The following DGLUCY variants were observed in gnomAD, a reference collection of about 807,000 sequenced individuals.
DGLUCY encodes D-glutamate cyclase, mitochondrial.
A neutral mutation model predicts 58.5 loss-of-function variants in DGLUCY; 58 were observed. The ratio of observed to expected loss-of-function variants is 0.99; its 90% CI spans 0.80 to 1.23. The LOEUF (loss-of-function observed/expected upper bound fraction) is 1.23, where lower values mean the gene tolerates loss of function less well. DGLUCY is among the 50% of genes most tolerant of loss of function. The probability of loss-of-function intolerance (pLI) is 0.00; values close to 1 mark genes in which losing one functional copy is unlikely to be tolerated. For missense variants in DGLUCY, 779 were observed against 784.7 expected (o/e 0.99, Z 0.09); for synonymous variants, 325 against 314.1 (o/e 1.03, Z -0.37).
At chr14:91,220,018 C>A (rs1222620019) in intron 13 of DGLUCY, among the ~76,000 whole-genome samples, 1 of 152,238 alleles carries the variant, frequency 6.6e-6, no homozygotes, top group Non-Finnish European at 1.5e-5. Context: ...CAGCAGCCAG[C>A]CAGGCCGGCT....
At chr14:91,205,967 G>A (rs1012062088) in intron 12 of DGLUCY, among the ~76,000 whole-genome samples, 1 of 149,162 alleles carries the variant, frequency 6.7e-6, no homozygotes, top group Non-Finnish European at 1.5e-5. Context: ...AGCCTCCCGA[G>A]TAGCTGGGAT....
At position 91,196,360 on chromosome 14, in the gene DGLUCY, G is replaced by T; in HGVS notation, c.1196-15G>T. Reference sequence around the variant, plus strand: ...ACTAGAGCTGATGTGTGCCCTGCTTGCCTTTATTTTCAAGGTGTTCTGAAG... The same window carrying T: ...ACTAGAGCTGATGTGTGCCCTGCTTTCCTTTATTTTCAAGGTGTTCTGAAG... On this transcript the variant is annotated splice_polypyrimidine_tract_variant and intron_variant, in intron 9 of 13. Coordinates refer to ENST00000256324, the MANE Select transcript of DGLUCY (RefSeq NM_001102368.3). The T allele has an allele frequency of 6.2e-7, 1 of 1,611,464 alleles. No homozygotes were observed. The highest frequency in any genetic ancestry group is 8.5e-7 in the Non-Finnish European group (1 of 1,177,734).
chr14:91,068,087 A>ACACACACG, intron 1 of DGLUCY, among the ~76,000 whole-genome samples: 1 of 138,154 alleles, frequency 7.2e-6, no homozygotes, highest in Middle Eastern at 3.7e-3. Flanking sequence ...ACGCACACAC[A>ACACACACG]CACACACACA....
intron 4 of DGLUCY, among the ~76,000 whole-genome samples, chr14:91,168,812 C>T (rs1450539190): frequency 6.6e-6 from 1 of 152,164 alleles, no homozygotes; most frequent in Non-Finnish European, 1.5e-5. Flanking sequence ...ATGGGATGGG[C>T]GCGGTGGCTC....
chr14:91,151,308 C>T (rs1277509710), intron 1 of DGLUCY, among the ~76,000 whole-genome samples: 7 of 151,316 alleles, frequency 4.6e-5, no homozygotes, highest in South Asian at 2.1e-4. Context: ...GGCGTGATCT[C>T]GGCTCACTGC....
At chr14:91,103,811 AAC>A (rs72140720), upstream of DGLUCY, among the ~76,000 whole-genome samples, 20,345 of 151,282 alleles carry the variant, frequency 0.13, 1,455 homozygotes, top group African/African-American at 0.16. Flanking sequence ...ACATATATGA[AAC>A]ACACACACAC....
intron 1 of DGLUCY, among the ~76,000 whole-genome samples, chr14:91,101,084 A>AG (rs1245262295): frequency 2.0e-5 from 3 of 152,092 alleles, no homozygotes; most frequent in Non-Finnish European, 2.9e-5. Context: ...AAAAAAAAAA[A>AG]TTATTTTATT....
At chr14:91,106,973 A>G (rs967386988), upstream of DGLUCY, among the ~76,000 whole-genome samples, 1 of 152,170 alleles carries the variant, frequency 6.6e-6, no homozygotes. Context: ...TTAAACAGTT[A>G]CAGTTTGCAA....
intron 1 of DGLUCY, among the ~76,000 whole-genome samples, chr14:91,143,724 A>C (rs999756916): frequency 2.0e-5 from 3 of 152,180 alleles, no homozygotes; most frequent in Non-Finnish European, 2.9e-5. Context: ...GCCACTGGTC[A>C]GTGTTCAGCA....
rs115745217 is a variant in DGLUCY at position 91,061,962 on chromosome 14, C to T, written c.-82+1258C>T. 9.8e-3 allele frequency among the ~76,000 whole-genome samples: 1,492 copies of T among 152,212 alleles called. 9 individuals are homozygous for T. Among genetic ancestry groups the T allele is most frequent in the South Asian group, 0.032 (154 of 4,826 alleles). ...AGAAACTTAAAGATGTACAGTTGGA[C>T]GTAATTCAGATAGATGTGATCTTTT... On this transcript the variant is annotated intron_variant, in intron 1 of 4. Transcript: ENST00000521334.
At chr14:91,095,314 C>T (rs1357258524) in intron 1 of DGLUCY, among the ~76,000 whole-genome samples, 2 of 152,284 alleles carry the variant, frequency 1.3e-5, no homozygotes, top group East Asian at 3.9e-4. Context: ...TTCCTAGGGG[C>T]ACCAGGAGGG....
intron 5 of DGLUCY, among the ~76,000 whole-genome samples, chr14:91,172,723 T>G (rs941707624): frequency 6.6e-6 from 1 of 152,014 alleles, no homozygotes; most frequent in Non-Finnish European, 1.5e-5. Flanking sequence ...TTCGGCTCAC[T>G]GCAATCTCCG....
chr14:91,163,993 A>T (rs979712376), intron 3 of DGLUCY, among the ~76,000 whole-genome samples: 1 of 152,218 alleles, frequency 6.6e-6, no homozygotes, highest in African/African-American at 2.4e-5. Flanking sequence ...TCTGTCACCC[A>T]GGCTGGAGTG....
chr14:91,126,236 G>A (rs2045673286), intron 1 of DGLUCY, among the ~76,000 whole-genome samples: 1 of 152,116 alleles, frequency 6.6e-6, no homozygotes, highest in Non-Finnish European at 1.5e-5. Flanking sequence ...GTATTAGGGG[G>A]ACTATATTCC....
At chr14:91,135,773 A>G (rs565729870) in intron 1 of DGLUCY, among the ~76,000 whole-genome samples, 22 of 151,686 alleles carry the variant, frequency 1.5e-4, no homozygotes, top group Non-Finnish European at 2.8e-4. Context: ...TTATTGACAG[A>G]CATTAAATGC....
chr14:91,201,264 A>T (rs2050536103), intron 11 of DGLUCY, among the ~76,000 whole-genome samples: 1 of 150,648 alleles, frequency 6.6e-6, no homozygotes, highest in African/African-American at 2.4e-5. Flanking sequence ...GTCACAGGGG[A>T]TATGATGGCT....
chr14:91,193,311 C>G (rs2050016176), intron 9 of DGLUCY, among the ~76,000 whole-genome samples: 1 of 152,132 alleles, frequency 6.6e-6, no homozygotes, highest in Non-Finnish European at 1.5e-5. Context: ...TCAGCTGCCC[C>G]CTTCCCAGAA....
chr14:91,208,688 G>A (rs1367121940), intron 12 of DGLUCY, among the ~76,000 whole-genome samples: 1 of 152,160 alleles, frequency 6.6e-6, no homozygotes, highest in African/African-American at 2.4e-5. Context: ...GGTTGAGGCT[G>A]CGGTGAGCCA....
At chr14:91,120,672 A>G (rs1448085762) in intron 1 of DGLUCY, among the ~76,000 whole-genome samples, 1 of 152,096 alleles carries the variant, frequency 6.6e-6, no homozygotes, top group East Asian at 1.9e-4. Flanking sequence ...CAGCCTCCCA[A>G]AGTGCTGGGA....
Sources: gnomAD v4.1 joint callset for allele counts (sites outside exome capture counted in the v4.1 genomes callset) on GRCh38, gnomAD v4.1.1 for gene constraint, MANE v1.5 for transcripts, NCBI Gene and HGNC (gene_info 2026-07-23, HGNC 2026-07-21) for gene names.